STAMBPL1: variants seen among roughly 807,000 people sequenced by gnomAD.
STAMBPL1 encodes STAM binding protein like 1, also known as AMSH-like protease.
A neutral mutation model predicts 52.9 loss-of-function variants in STAMBPL1; 44 were observed. The ratio of observed to expected loss-of-function variants is 0.83; its 90% CI spans 0.65 to 1.07. The LOEUF is 1.07. Ranked by LOEUF, STAMBPL1 falls within the 50% of genes least tolerant of loss-of-function variation. The pLI is 0.00. For synonymous variants in STAMBPL1, 164 were observed against 177.3 expected (o/e 0.92, Z 0.60); for missense variants, 511 against 520.8 (o/e 0.98, Z 0.18).
chr10:88,894,998 T>C (rs546356897), intron 1 of STAMBPL1, among the ~76,000 whole-genome samples: 1 of 152,340 alleles, frequency 6.6e-6, no homozygotes, highest in South Asian at 2.1e-4. Context: ...CCTTTTGTAA[T>C]GGCATTTTAA....
intron 8 of STAMBPL1, among the ~76,000 whole-genome samples, chr10:88,920,190 A>G (rs1845474730): frequency 6.6e-6 from 1 of 152,178 alleles, no homozygotes; most frequent in Admixed American, 6.5e-5. Flanking sequence ...TTAATAGAAT[A>G]TAGTTTTGTG....
At chr10:88,891,955 A>G (rs536452526) in intron 1 of STAMBPL1, among the ~76,000 whole-genome samples, 1 of 152,316 alleles carries the variant, frequency 6.6e-6, no homozygotes, top group South Asian at 2.1e-4. Context: ...ACAGTTGGGT[A>G]TCCTGGTGGA....
intron 9 of STAMBPL1, 121 bp downstream of exon 9, chr10:88,921,516 A>T: frequency 1.4e-6 from 1 of 703,132 alleles, no homozygotes; most frequent in South Asian, 1.8e-5. Context: ...CTCGGGAAAA[A>T]GAGATGGGTA....
chr10:88,918,513 C>T (rs1464660306), intron 8 of STAMBPL1, among the ~76,000 whole-genome samples: 1 of 152,082 alleles, frequency 6.6e-6, no homozygotes, highest in Non-Finnish European at 1.5e-5. Flanking sequence ...AAACAAGATA[C>T]CAGGTGTGAA....
intron 1 of STAMBPL1, among the ~76,000 whole-genome samples, chr10:88,887,975 A>G (rs1037979422): frequency 2.6e-5 from 4 of 152,184 alleles, no homozygotes; most frequent in African/African-American, 9.7e-5. Context: ...CCTGATTTCG[A>G]TAGACAGTTT....
chr10:88,905,340 ATGG>A lies in STAMBPL1; in HGVS notation c.31-100_31-98del. 5 of 864,564 alleles carry A rather than the reference ATGG, an allele frequency of 5.8e-6. No individual in the cohort carries two copies. The South Asian group carries it at 7.9e-5, about 14-fold the overall frequency. 53.6% of individuals were successfully genotyped at this position (864,564 alleles called of 1,614,324 possible). On this transcript the variant is annotated intron_variant, in intron 2 of 10. Coordinates refer to ENST00000371926, the MANE Select transcript of STAMBPL1 (RefSeq NM_020799.4). ...ACTTATGAAAAGATTTCCTTAGGTA[ATGG>A]TGTTAGGTTCCTCATAAAGAACATA... is the stretch of plus-strand genomic sequence containing the variant.
At chr10:88,916,643 TGAGATGCA>T in intron 7 of STAMBPL1, 29 bp from the exon 8 acceptor site, 1 of 1,552,436 alleles carries the variant, frequency 6.4e-7, no homozygotes, top group South Asian at 1.2e-5. Context: ...TTTTTTTCTG[TGAGATGCA>T]TGTCATTCTT....
At chr10:88,918,073 T>C (rs761933788) in intron 8 of STAMBPL1, among the ~76,000 whole-genome samples, 3 of 152,074 alleles carry the variant, frequency 2.0e-5, no homozygotes, top group African/African-American at 4.8e-5. Flanking sequence ...TACTGTTGCA[T>C]TGAGGATTAA....
At position 88,916,770 on chromosome 10, in the gene STAMBPL1, T is replaced by C; in HGVS notation, c.994T>C (p.Phe332Leu). Residue 332 changes from phenylalanine to leucine, a missense_variant, in exon 8 of 11, where the codon TTC (phenylalanine) becomes CTC (leucine). Coordinates refer to ENST00000371926, the MANE Select transcript of STAMBPL1 (RefSeq NM_020799.4). ...YCDMENVEELFNVQDQHDLLT... is the reference protein window; with the variant it reads ...YCDMENVEELLNVQDQHDLLT... ...TGACATGGAGAATGTAGAGGAATTA[T>C]TCAATGTTCAGGATCAACATGATCT... 1 of 1,610,072 alleles carries C rather than the reference T, an allele frequency of 6.2e-7. No homozygotes were observed. Among genetic ancestry groups the C allele is most frequent in the South Asian group, 1.1e-5 (1 of 90,292 alleles).
chr10:88,884,098 C>T (rs1214608297), intron 1 of STAMBPL1, among the ~76,000 whole-genome samples: 1 of 152,080 alleles, frequency 6.6e-6, no homozygotes, highest in African/African-American at 2.4e-5. Flanking sequence ...AAGCTTGTTT[C>T]ATTCTGAATG....
At chr10:88,917,968 C>T (rs2133210772) in intron 8 of STAMBPL1, among the ~76,000 whole-genome samples, 1 of 152,228 alleles carries the variant, frequency 6.6e-6, no homozygotes, top group Middle Eastern at 3.4e-3. Context: ...AGAGAGCACT[C>T]CCTTCAACCT....
At chr10:88,906,118 A>G (rs1002089650) in intron 3 of STAMBPL1, among the ~76,000 whole-genome samples, 1 of 152,000 alleles carries the variant, frequency 6.6e-6, no homozygotes, top group African/African-American at 2.4e-5. Context: ...GAAAGATCTG[A>G]TTCAGGTTCA....
intron 8 of STAMBPL1, among the ~76,000 whole-genome samples, chr10:88,919,702 G>C (rs1431969660): frequency 6.6e-6 from 1 of 152,030 alleles, no homozygotes; most frequent in Non-Finnish European, 1.5e-5. Context: ...TTAAAAGTTA[G>C]GATAATTTCC....
intron 8 of STAMBPL1, among the ~76,000 whole-genome samples, chr10:88,918,913 T>A (rs1391901576): frequency 6.6e-6 from 1 of 152,178 alleles, no homozygotes; most frequent in Non-Finnish European, 1.5e-5. Context: ...GTTTAATAAG[T>A]TTAGCATAAT....
chr10:88,896,919 CT>C (rs1844825600), intron 1 of STAMBPL1, among the ~76,000 whole-genome samples: 2 of 152,018 alleles, frequency 1.3e-5, no homozygotes, highest in South Asian at 4.2e-4. Flanking sequence ...GAAATTAAGG[CT>C]GAAAAAATCA....
intron 1 of STAMBPL1, among the ~76,000 whole-genome samples, chr10:88,899,937 C>T (rs1335457424): frequency 6.6e-6 from 1 of 152,108 alleles, no homozygotes; most frequent in Non-Finnish European, 1.5e-5. Flanking sequence ...TCTTTTTTTC[C>T]TGGTTTATTT....
At chr10:88,921,207 A>T in intron 8 of STAMBPL1, 76 bp from the exon 9 acceptor site, 1 of 1,146,886 alleles carries the variant, frequency 8.7e-7, no homozygotes, top group Non-Finnish European at 1.2e-6. Context: ...AAAAAAACAG[A>T]GTTTTCTATT....
At position 88,905,633 on chromosome 10, in the gene STAMBPL1, C is replaced by A. The variant is rs1233377604; in HGVS notation, c.221C>A (p.Ala74Asp). The change falls in exon 3 of 11, where the codon GCC (alanine) becomes GAC (aspartate). Residue 74 changes from alanine to aspartate, a missense_variant. Physicochemically the swap from Ala to Asp is moderately radical, Grantham distance 126. Transcript: ENST00000371926. ...VYLEEGNLEN[A>D]FVLYNKFITL... The stretch of plus-strand genomic sequence containing the variant: ...TTGGAAGAAGGAAATTTGGAAAATG[C>A]CTTTGTTCTTTATAATAAATTTATA... The A allele has an allele frequency of 1.9e-6, 3 of 1,613,628 alleles. No homozygotes were observed. Among genetic ancestry groups the A allele is most frequent in the African/African-American group, 1.3e-5 (1 of 74,846 alleles).
intron 1 of STAMBPL1, among the ~76,000 whole-genome samples, chr10:88,897,240 G>C (rs932987732): frequency 6.6e-6 from 1 of 152,182 alleles, no homozygotes; most frequent in Non-Finnish European, 1.5e-5. Context: ...AGTTGGTTCT[G>C]GGAGCTACTT....
Sources: gnomAD v4.1 joint callset for allele counts (sites outside exome capture counted in the v4.1 genomes callset) on GRCh38, gnomAD v4.1.1 for gene constraint, MANE v1.5 for transcripts, NCBI Gene and HGNC (gene_info 2026-07-23, HGNC 2026-07-21) for gene names.